TMEM131: variants seen among roughly 807,000 people sequenced by gnomAD.
TMEM131 encodes transmembrane protein 131, also known as 2610524E03Rik.
Under a neutral mutation model 211.6 loss-of-function variants are expected in TMEM131, and 66 were observed. The ratio of observed to expected loss-of-function variants is 0.31; its 90% CI spans 0.26 to 0.38. TMEM131 has a LOEUF of 0.38. Among genes scored for constraint, TMEM131 ranks in the 10% least tolerant of loss-of-function variants. The pLI is 1.00. For missense variants in TMEM131, 2,036 were observed against 2,299.3 expected (o/e 0.89, Z 2.34); for synonymous variants, 844 against 841.3 (o/e 1.00, Z -0.06).
At chr2:97,919,063 G>A (rs891290257) in intron 2 of TMEM131, among the ~76,000 whole-genome samples, 4 of 152,152 alleles carry the variant, frequency 2.6e-5, no homozygotes, top group South Asian at 2.1e-4. Context: ...CTCACATCAC[G>A]GTGATTCACT....
intron 7 of TMEM131, among the ~76,000 whole-genome samples, chr2:97,841,065 C>T (rs1279919116): frequency 1.3e-5 from 2 of 152,162 alleles, no homozygotes; most frequent in African/African-American, 2.4e-5. Context: ...GCTTTTAAGT[C>T]CTGCAGTGTT....
In TMEM131 at chr2:97,838,420, CTTAAACTTTTTTTTTTTTT is replaced by C. The variant is rs1215625707; in HGVS notation, c.724-1282_724-1264del. 1.2e-4 allele frequency among the ~76,000 whole-genome samples: 16 copies of C among 134,358 alleles called. 1 individual carries two copies. The highest frequency in any genetic ancestry group is 4.3e-4 in the African/African-American group (15 of 34,780). 88.1% of individuals were successfully genotyped at this position (134,358 alleles called of 152,430 possible). Reference sequence around the variant, plus strand: ...AGCAAGAAAAATGGCAATTCTTAAGCTTAAACTTTTTTTTTTTTTTTTTTTTTTTTTTTTTTTTTTTTGA... The same window carrying C: ...AGCAAGAAAAATGGCAATTCTTAAGCTTTTTTTTTTTTTTTTTTTTTTTGA... On this transcript the variant is annotated intron_variant, in intron 7 of 40. Coordinates refer to ENST00000186436, the MANE Select transcript of TMEM131 (RefSeq NM_015348.2).
Position 97,815,199 on chromosome 2 carries a change from C to A in TMEM131, c.1292G>T (p.Gly431Val). The A allele has an allele frequency of 6.8e-7, 1 of 1,462,990 alleles. No homozygotes were observed. Among genetic ancestry groups the A allele is most frequent in the Non-Finnish European group, 9.1e-7 (1 of 1,093,298 alleles). The allele number at this position is 1,462,990 out of a possible 1,614,324, so 90.6% of individuals were successfully genotyped here. Residue 431 changes from glycine to valine, a missense_variant and splice_region_variant, in exon 13 of 41, where the codon GGT (glycine) becomes GTT (valine). Gly to Val is a moderately radical substitution (Grantham distance 109, BLOSUM62 -3). Around this residue, in one of 3 missense-constraint regions of TMEM131, gnomAD observed 1,623 missense variants for 1,805.9 expected, o/e 0.90. Coordinates refer to ENST00000186436, the MANE Select transcript of TMEM131 (RefSeq NM_015348.2). ...EIPYQAEVLD[G>V]YLGFDHAATL... ...GAATTTATTTTAAAAAGAAACTCAC[C>A]CATCTAAAACTTCTGCTTGATATGG...
chr2:97,881,386 T>G (rs1363208450), intron 4 of TMEM131, among the ~76,000 whole-genome samples: 1 of 151,908 alleles, frequency 6.6e-6, no homozygotes, highest in Non-Finnish European at 1.5e-5. Context: ...TTTAAAATTT[T>G]TTGTAGGGAT....
At chr2:97,978,834 G>A (rs1187742158) in intron 1 of TMEM131, among the ~76,000 whole-genome samples, 1 of 152,044 alleles carries the variant, frequency 6.6e-6, no homozygotes, top group African/African-American at 2.4e-5. Flanking sequence ...TATTCTTAAT[G>A]GCATCTAGAA....
chr2:97,854,236 A>G lies in TMEM131; in HGVS notation c.483+5068T>C, dbSNP rs368771963. ...CGACTTGCAGAAGGCTGACATGATC[A>G]TCAGCAGTTTTTAGCAATAAAGTAT... is the stretch of plus-strand genomic sequence containing the variant. On this transcript the variant is annotated intron_variant, in intron 5 of 40. Transcript: ENST00000186436. 3.3e-5 allele frequency among the ~76,000 whole-genome samples: 5 copies of G among 152,348 alleles called. No homozygotes were observed. The East Asian group carries it at 5.8e-4, about 18-fold the overall frequency.
intron 2 of TMEM131, among the ~76,000 whole-genome samples, chr2:97,909,250 CAG>C (rs1676199549): frequency 6.6e-6 from 1 of 151,956 alleles, no homozygotes; most frequent in Admixed American, 6.6e-5. Flanking sequence ...AGCAGTGTGG[CAG>C]TGGGATGGAT....
At chr2:97,841,959 A>T (rs1470336356) in intron 6 of TMEM131, 22 bp from the exon 7 acceptor site, 2 of 1,496,238 alleles carry the variant, frequency 1.3e-6, no homozygotes, top group Non-Finnish European at 1.8e-6. Context: ...GAGGAAAAAA[A>T]TGCAATTTTA....
Position 97,868,094 on chromosome 2 carries a change from G to A in TMEM131, c.360-8667C>T, listed in dbSNP as rs181006897. Reference sequence around the variant, plus strand: ...GCTTCAAGTATTCGGAAGCTCCATTGTTAGATGCATGCATATTTCGAGTTG... The same window carrying A: ...GCTTCAAGTATTCGGAAGCTCCATTATTAGATGCATGCATATTTCGAGTTG... On this transcript the variant is annotated intron_variant, in intron 4 of 40. Coordinates refer to ENST00000186436, the MANE Select transcript of TMEM131 (RefSeq NM_015348.2). Among the ~76,000 whole-genome samples, 4 of 152,248 alleles carry A rather than the reference G, an allele frequency of 2.6e-5. No homozygotes were observed. The East Asian group carries it at 7.7e-4, about 29-fold the overall frequency.
At chr2:97,853,651 G>A (rs1379806006) in intron 5 of TMEM131, among the ~76,000 whole-genome samples, 3 of 151,540 alleles carry the variant, frequency 2.0e-5, no homozygotes, top group African/African-American at 7.3e-5. Context: ...ATGGGAGAAG[G>A]TTAAAATGTC....
chr2:97,941,480 T>C (rs1677723158), intron 1 of TMEM131, among the ~76,000 whole-genome samples: 1 of 152,196 alleles, frequency 6.6e-6, no homozygotes, highest in Non-Finnish European at 1.5e-5. Context: ...AGATGGGATC[T>C]AATTAAATGA....
intron 31 of TMEM131, among the ~76,000 whole-genome samples, chr2:97,783,357 G>C (rs1680102879): frequency 6.6e-6 from 1 of 152,044 alleles, no homozygotes; most frequent in Non-Finnish European, 1.5e-5. Flanking sequence ...AGGAACCTTG[G>C]AGGATTAGGA....
intron 2 of TMEM131, among the ~76,000 whole-genome samples, chr2:97,926,871 C>T (rs747234115): frequency 6.6e-6 from 1 of 152,180 alleles, no homozygotes; most frequent in African/African-American, 2.4e-5. Flanking sequence ...ACAGAGCAAA[C>T]ACACTTAGGG....
chr2:97,960,192 C>T (rs1678757178), intron 1 of TMEM131, among the ~76,000 whole-genome samples: 1 of 152,124 alleles, frequency 6.6e-6, no homozygotes, highest in South Asian at 2.1e-4. Flanking sequence ...TACACATATA[C>T]CCAATAATCT....
intron 1 of TMEM131, among the ~76,000 whole-genome samples, chr2:97,950,119 C>T (rs1466550422): frequency 6.6e-6 from 1 of 151,962 alleles, no homozygotes; most frequent in East Asian, 1.9e-4. Flanking sequence ...AATTTCAGCA[C>T]AAGACAAAAA....
At chr2:97,983,421 C>G (rs1365650564) in intron 1 of TMEM131, among the ~76,000 whole-genome samples, 1 of 152,162 alleles carries the variant, frequency 6.6e-6, no homozygotes, top group East Asian at 1.9e-4. Flanking sequence ...CTTCAGGTCC[C>G]TTTTTGTCCC....
At chr2:97,955,734 A>AAACAC (rs1380385333) in intron 1 of TMEM131, among the ~76,000 whole-genome samples, 7 of 152,172 alleles carry the variant, frequency 4.6e-5, no homozygotes, top group Non-Finnish European at 8.8e-5. Context: ...ATAAAAAACA[A>AAACAC]AACACCATTT....
At chr2:97,974,099 T>A (rs1437873351) in intron 1 of TMEM131, among the ~76,000 whole-genome samples, 4 of 152,024 alleles carry the variant, frequency 2.6e-5, no homozygotes, top group Admixed American at 2.6e-4. Context: ...ATAAAACAGG[T>A]ATTATAAATG....
At chr2:97,991,684 G>A (rs887251767) in intron 1 of TMEM131, among the ~76,000 whole-genome samples, 8 of 152,194 alleles carry the variant, frequency 5.3e-5, no homozygotes, top group African/African-American at 1.7e-4. Context: ...CTGCTTACAA[G>A]AGACCGTAGG....
Sources: allele counts gnomAD v4.1 joint callset (sites outside exome capture counted in the v4.1 genomes callset), GRCh38; gene constraint gnomAD v4.1.1; regional missense constraint gnomAD v4.1.1; transcripts MANE v1.5; gene names NCBI Gene and HGNC (gene_info 2026-07-23, HGNC 2026-07-21).